MYO18B: variants seen among roughly 807,000 people sequenced by gnomAD.
The protein encoded by MYO18B is unconventional myosin-XVIIIb.
MYO18B carries 204 observed loss-of-function variants against 273.0 expected under a neutral mutation model. The ratio of observed to expected loss-of-function variants is 0.75; its 90% CI spans 0.67 to 0.84. MYO18B has a LOEUF of 0.84. Among genes scored for constraint, MYO18B ranks in the 40% least tolerant of loss-of-function variants. The probability of loss-of-function intolerance (pLI) is 0.00; values close to 1 mark genes in which losing one functional copy is unlikely to be tolerated. For synonymous variants in MYO18B, 1,330 were observed against 1,305.7 expected, an observed-to-expected ratio of 1.02 and a Z score of -0.40; for missense variants, 3,212 against 3,287.6, an observed-to-expected ratio of 0.98 and a Z score of 0.56.
At chr22:25,949,029 T>A (rs1162196148) in intron 36 of MYO18B, among the ~76,000 whole-genome samples, 1 of 152,116 alleles carries the variant, frequency 6.6e-6, no homozygotes, top group African/African-American at 2.4e-5. Context: ...GAGGACAATC[T>A]GGCACAAGAC....
intron 28 of MYO18B, among the ~76,000 whole-genome samples, chr22:25,895,852 G>A (rs762178174): frequency 2.0e-5 from 3 of 150,730 alleles, no homozygotes; most frequent in Non-Finnish European, 2.9e-5. Flanking sequence ...TGTAAATTTC[G>A]TTTTTGAGCT....
At chr22:25,787,816 G>T (rs544841191) in intron 11 of MYO18B, among the ~76,000 whole-genome samples, 6 of 152,252 alleles carry the variant, frequency 3.9e-5, no homozygotes, top group African/African-American at 1.4e-4. Flanking sequence ...CTGGGGTCAT[G>T]AGGAGCCCAG....
At chr22:26,023,445 C>T (rs1935978748) in intron 42 of MYO18B, among the ~76,000 whole-genome samples, 1 of 151,832 alleles carries the variant, frequency 6.6e-6, no homozygotes, top group Non-Finnish European at 1.5e-5. Context: ...TGCCTTTTTT[C>T]CCCCCTATGT....
At chr22:25,784,865 A>T (rs2087313373) in intron 10 of MYO18B, among the ~76,000 whole-genome samples, 1 of 152,220 alleles carries the variant, frequency 6.6e-6, no homozygotes, top group Non-Finnish European at 1.5e-5. Context: ...CATAAAGTGC[A>T]GACTGAGGCC....
intron 12 of MYO18B, 24 bp downstream of exon 12, chr22:25,798,121 C>T (rs1187831081): frequency 6.3e-7 from 1 of 1,585,912 alleles, no homozygotes; most frequent in South Asian, 1.1e-5. Context: ...GCCGGGCTCA[C>T]CTGGGAGGGC....
chr22:25,847,319 A>G, intron 19 of MYO18B, 111 bp from the exon 20 acceptor site: 2 of 852,636 alleles, frequency 2.3e-6, no homozygotes, highest in Non-Finnish European at 3.7e-6. Context: ...TGTGGGACAT[A>G]GGGGCCCCAA....
chr22:25,808,472 G>T (rs2088585687), intron 12 of MYO18B, among the ~76,000 whole-genome samples: 1 of 152,194 alleles, frequency 6.6e-6, no homozygotes, highest in South Asian at 2.1e-4. Flanking sequence ...TCAGAACTCA[G>T]TACCTGTCTG....
At chr22:25,864,048 A>G (rs575725194) in intron 21 of MYO18B, among the ~76,000 whole-genome samples, 6 of 152,258 alleles carry the variant, frequency 3.9e-5, no homozygotes, top group Admixed American at 1.3e-4. Flanking sequence ...GTTTCTGACA[A>G]TGCTCCCAGG....
At chr22:25,782,919 C>T (rs773443780) in intron 10 of MYO18B, among the ~76,000 whole-genome samples, 10 of 152,176 alleles carry the variant, frequency 6.6e-5, no homozygotes, top group Admixed American at 1.3e-4. Flanking sequence ...GTACCACAGA[C>T]TCGAGGACAA....
chr22:26,034,978 G>A (rs975764751), downstream of MYO18B, among the ~76,000 whole-genome samples: 4 of 152,208 alleles, frequency 2.6e-5, no homozygotes, highest in Admixed American at 2.0e-4. Flanking sequence ...GAAGCTTATG[G>A]TTTACTGTGG....
chr22:26,010,254 C>A (rs1420982646), intron 42 of MYO18B, among the ~76,000 whole-genome samples: 1 of 152,172 alleles, frequency 6.6e-6, no homozygotes, highest in Non-Finnish European at 1.5e-5. Flanking sequence ...CCTTTCAACT[C>A]CACCCTCCTT....
At position 25,838,879 on chromosome 22, in the gene MYO18B, A is replaced by G. The variant is rs913232992; in HGVS notation, c.3208+3436A>G. On this transcript the variant is annotated intron_variant, in intron 17 of 43. Transcript: ENST00000335473. Reference sequence around the variant, plus strand: ...TGTGTGTGAACATGTTTGTGTATATATATATATATATCTGTGTCTATATGT... The same window carrying G: ...TGTGTGTGAACATGTTTGTGTATATGTATATATATATCTGTGTCTATATGT... Among the ~76,000 whole-genome samples, 372 of 151,958 alleles carry G rather than the reference A, an allele frequency of 2.4e-3. 1 individual carries two copies. Among genetic ancestry groups the G allele is most frequent in the African/African-American group, 7.3e-3 (301 of 41,466 alleles).
intron 15 of MYO18B, among the ~76,000 whole-genome samples, chr22:25,832,389 T>C (rs910742603): frequency 2.0e-5 from 3 of 151,952 alleles, no homozygotes; most frequent in African/African-American, 7.3e-5. Context: ...ACAAGCAAAA[T>C]GAGATACGCA....
chr22:26,003,122 G>T, intron 40 of MYO18B, 143 bp from the exon 41 acceptor site: 3 of 721,296 alleles, frequency 4.2e-6, no homozygotes, highest in Non-Finnish European at 5.0e-6. Flanking sequence ...GAAGCTCAGG[G>T]AAGGCAAGTG....
rs1936281547 is a variant in MYO18B at position 26,026,851 on chromosome 22, A to C, written c.6877A>C (p.Arg2293=). 6.3e-7 allele frequency: 1 copy of C among 1,593,554 alleles called. No individual in the cohort carries two copies. Among genetic ancestry groups the C allele is most frequent in the Admixed American group, 1.7e-5 (1 of 57,412 alleles). Residue 2293 remains arginine, a synonymous_variant, in exon 43 of 44, where the codon AGG becomes CGG. Transcript: ENST00000335473. The part of the protein sequence containing the change: ...TTGASTLRRG[R]AGSDEGNLSL... Reference sequence around the variant, plus strand: ...TGGGGCCTCCACACTAAGGAGGGGCAGGGCTGGCAGTGACGAGGGAAACCT... The same window carrying C: ...TGGGGCCTCCACACTAAGGAGGGGCCGGGCTGGCAGTGACGAGGGAAACCT...
chr22:25,861,790 A>G lies in MYO18B; in HGVS notation c.3886-6530A>G, dbSNP rs142302412. 5.0e-3 allele frequency among the ~76,000 whole-genome samples: 760 copies of G among 152,294 alleles called. 6 individuals are homozygous for G. Among genetic ancestry groups the G allele is most frequent in the Middle Eastern group, 0.034 (10 of 294 alleles). ...GAACACCCCTTCTAGTGATTGTTCT[A>G]CGGTTTACAATATGTATTGTAATTC... On this transcript the variant is annotated intron_variant, in intron 21 of 43. Transcript: ENST00000335473.
intron 2 of MYO18B, 139 bp downstream of exon 2, chr22:25,761,270 ACCTTCTC>A: frequency 1.0e-6 from 1 of 964,704 alleles, no homozygotes; most frequent in Non-Finnish European, 1.6e-6. Flanking sequence ...CCCACCTTCA[ACCTTCTC>A]CCAGCCAGCT....
intron 34 of MYO18B, among the ~76,000 whole-genome samples, chr22:25,926,957 A>G (rs1410285167): frequency 6.6e-6 from 1 of 152,214 alleles, no homozygotes; most frequent in East Asian, 1.9e-4. Context: ...GTCTCTAAAC[A>G]TAAATTGTAA....
chr22:25,868,595 T>A (rs1306364170), intron 22 of MYO18B, among the ~76,000 whole-genome samples: 1 of 152,184 alleles, frequency 6.6e-6, no homozygotes, highest in African/African-American at 2.4e-5. Flanking sequence ...CTGGGAAATA[T>A]CATTTCTTGG....
Sources: gnomAD v4.1 joint callset for allele counts (sites outside exome capture counted in the v4.1 genomes callset) on GRCh38, gnomAD v4.1.1 for gene constraint, MANE v1.5 for transcripts, NCBI Gene and HGNC (gene_info 2026-07-23, HGNC 2026-07-21) for gene names.